Variants in HPSE2 observed in about 807,000 individuals in gnomAD.
HPSE2 encodes the protein inactive heparanase-2.
Under a neutral mutation model 60.5 loss-of-function variants are expected in HPSE2, and 38 were observed. The ratio of observed to expected loss-of-function variants is 0.63; its 90% CI spans 0.48 to 0.82. The LOEUF is 0.82. Ranked by LOEUF, HPSE2 falls within the 40% of genes least tolerant of loss-of-function variation. The pLI is 0.00. For missense variants in HPSE2, 713 were observed against 740.4 expected, an observed-to-expected ratio of 0.96 and a Z score of 0.43; for synonymous variants, 295 against 293.2, an observed-to-expected ratio of 1.01 and a Z score of -0.06.
intron 5 of HPSE2, among the ~76,000 whole-genome samples, chr10:98,707,603 G>T (rs1948578908): frequency 6.6e-6 from 1 of 152,018 alleles, no homozygotes; most frequent in South Asian, 2.1e-4. Context: ...CTCCACATCT[G>T]CACCCTATAT....
chr10:98,677,203 T>C (rs1947666736), intron 6 of HPSE2, among the ~76,000 whole-genome samples: 1 of 152,330 alleles, frequency 6.6e-6, no homozygotes, highest in South Asian at 2.1e-4. Flanking sequence ...TTCTTTCTAT[T>C]CCCTTGTCTA....
At chr10:98,538,280 G>A (rs1354607299) in intron 9 of HPSE2, among the ~76,000 whole-genome samples, 3 of 152,134 alleles carry the variant, frequency 2.0e-5, no homozygotes, top group Non-Finnish European at 4.4e-5. Flanking sequence ...GAGAACACCC[G>A]CTAAGCCCCT....
chr10:98,910,437 A>G (rs149626762), intron 3 of HPSE2, among the ~76,000 whole-genome samples: 9 of 152,382 alleles, frequency 5.9e-5, no homozygotes, highest in South Asian at 2.1e-4. Context: ...AAGGGCTGCC[A>G]GCAATGTTCC....
chr10:98,560,968 T>C lies in HPSE2; in HGVS notation c.1320+53936A>G, dbSNP rs577483760. The stretch of plus-strand genomic sequence containing the variant: ...ACTTTGTGACTGGTTTATGTATTTA[T>C]GATACTATAGTTTTCATCATTATTT... On this transcript the variant is annotated intron_variant, in intron 9 of 11. Coordinates refer to ENST00000370552, the MANE Select transcript of HPSE2 (RefSeq NM_021828.5). Among the ~76,000 whole-genome samples the C allele has an allele frequency of 3.3e-5, 5 of 152,350 alleles. No individual in the cohort carries two copies. In the South Asian group the frequency reaches 1.0e-3, roughly 32 times the overall value.
At chr10:98,590,304 G>A (rs765765798) in intron 9 of HPSE2, among the ~76,000 whole-genome samples, 2 of 152,174 alleles carry the variant, frequency 1.3e-5, no homozygotes, top group Non-Finnish European at 2.9e-5. Context: ...TTAGCCAAGG[G>A]TGAGGCAGGC....
the HPSE2 span, among the ~76,000 whole-genome samples, chr10:99,305,933 T>TCAATAGAAAATATC: frequency 1.6e-5 from 2 of 123,080 alleles, no homozygotes; most frequent in East Asian, 5.1e-4. Context: ...TCAAAAGAAA[T>TCAATAGAAAATATC]CAATAGAAAA....
intron 3 of HPSE2, among the ~76,000 whole-genome samples, chr10:98,989,688 A>T (rs1280472954): frequency 1.3e-5 from 2 of 152,120 alleles, no homozygotes; most frequent in Non-Finnish European, 2.9e-5. Context: ...CTTGTCTTTT[A>T]ATCCAGGATG....
intron 3 of HPSE2, among the ~76,000 whole-genome samples, chr10:98,768,523 T>C (rs1814268308): frequency 6.6e-6 from 1 of 152,252 alleles, no homozygotes; most frequent in Admixed American, 6.5e-5. Context: ...AATTATTTGA[T>C]GACTTGATCA....
intron 5 of HPSE2, among the ~76,000 whole-genome samples, chr10:98,709,704 C>T (rs1018355556): frequency 1.3e-5 from 2 of 152,210 alleles, no homozygotes; most frequent in Admixed American, 6.5e-5. Context: ...GACTCCAAAT[C>T]TAGGAGAATT....
intron 3 of HPSE2, among the ~76,000 whole-genome samples, chr10:98,948,099 T>C (rs779391960): frequency 6.6e-6 from 1 of 152,104 alleles, no homozygotes; most frequent in Non-Finnish European, 1.5e-5. Flanking sequence ...AGAGCCCTAA[T>C]AGAGAGAACA....
At chr10:98,684,783 T>A (rs1229522201) in intron 6 of HPSE2, among the ~76,000 whole-genome samples, 1 of 151,878 alleles carries the variant, frequency 6.6e-6, no homozygotes, top group African/African-American at 2.4e-5. Context: ...CTGATGATTT[T>A]AAAATTATAA....
chr10:99,030,453 C>T (rs896395286), intron 3 of HPSE2, among the ~76,000 whole-genome samples: 4 of 152,208 alleles, frequency 2.6e-5, no homozygotes, highest in South Asian at 2.1e-4. Flanking sequence ...GATATAATCT[C>T]GCCCCAGTCA....
intron 6 of HPSE2, among the ~76,000 whole-genome samples, chr10:98,691,215 GA>G (rs1471493094): frequency 6.6e-6 from 1 of 152,126 alleles, no homozygotes; most frequent in Non-Finnish European, 1.5e-5. Context: ...ACTATGGCTG[GA>G]AAGGATAAAT....
At chr10:99,082,818 G>C (rs186018129) in intron 3 of HPSE2, among the ~76,000 whole-genome samples, 233 of 152,192 alleles carry the variant, frequency 1.5e-3, no homozygotes, top group South Asian at 6.8e-3. Context: ...TATTTACCCA[G>C]ACCCTAAGTT....
chr10:99,047,169 A>G (rs969988888), intron 3 of HPSE2, among the ~76,000 whole-genome samples: 2 of 152,160 alleles, frequency 1.3e-5, no homozygotes, highest in Non-Finnish European at 2.9e-5. Context: ...ATACAGCCAC[A>G]TATTTACAAC....
chr10:99,103,953 C>T (rs1346600040), intron 3 of HPSE2, among the ~76,000 whole-genome samples: 1 of 152,168 alleles, frequency 6.6e-6, no homozygotes, highest in South Asian at 2.1e-4. Flanking sequence ...GCAACTGGAT[C>T]CCTTCCTTAC....
chr10:98,588,811 G>A (rs1403698046), intron 9 of HPSE2, among the ~76,000 whole-genome samples: 3 of 152,008 alleles, frequency 2.0e-5, no homozygotes, highest in Non-Finnish European at 4.4e-5. Context: ...GAGCCACAAG[G>A]CCCCTGCCCA....
At chr10:98,566,714 GC>G (rs1178841619) in intron 9 of HPSE2, among the ~76,000 whole-genome samples, 2 of 152,096 alleles carry the variant, frequency 1.3e-5, no homozygotes, top group African/African-American at 4.8e-5. Flanking sequence ...GGGAAAACTT[GC>G]CCCTGAACAC....
At chr10:98,682,265 G>T (rs912228802) in intron 6 of HPSE2, among the ~76,000 whole-genome samples, 22 of 152,326 alleles carry the variant, frequency 1.4e-4, no homozygotes, top group Admixed American at 1.4e-3. Flanking sequence ...CTCCCACTTT[G>T]CTTTCCACCA....
Sources: allele counts gnomAD v4.1 joint callset (sites outside exome capture counted in the v4.1 genomes callset), GRCh38; gene constraint gnomAD v4.1.1; transcripts MANE v1.5; gene names NCBI Gene and HGNC (gene_info 2026-07-23, HGNC 2026-07-21).